POLE: variants seen among roughly 807,000 people sequenced by gnomAD.
POLE encodes DNA polymerase epsilon, catalytic subunit, also known as DNA polymerase epsilon catalytic subunit A.
In POLE, 188 loss-of-function variants were observed where a neutral mutation model predicts 279.2. The observed-to-expected ratio is 0.67, with a 90% confidence interval of 0.60 to 0.76. The LOEUF (loss-of-function observed/expected upper bound fraction) is 0.76. POLE is among the 30% of genes least tolerant of loss of function. The pLI, the probability that POLE is intolerant of heterozygous loss-of-function variation, is 0.00. For missense variants in POLE, 2,703 were observed against 3,016.7 expected, an observed-to-expected ratio of 0.90 and a Z score of 2.44; for synonymous variants, 1,214 against 1,172.5, an observed-to-expected ratio of 1.04 and a Z score of -0.72.
chr12:132,642,074 T>C (rs1483741654), intron 38 of POLE, 103 bp downstream of exon 38: 2 of 1,140,968 alleles, frequency 1.8e-6, no homozygotes, highest in East Asian at 2.4e-5. Context: ...ACCTGCGCGG[T>C]CGAACTCTGA....
chr12:132,625,321 C>A, intron 47 of POLE: 1 of 725,478 alleles, frequency 1.4e-6, no homozygotes, highest in Non-Finnish European at 2.5e-6. Flanking sequence ...CCAGCCTCTG[C>A]TCAGATGCCC....
chr12:132,640,624 G>T (rs568388832), intron 39 of POLE, among the ~76,000 whole-genome samples: 1 of 152,358 alleles, frequency 6.6e-6, no homozygotes, highest in East Asian at 1.9e-4. Context: ...TCAGCTAAAG[G>T]ATTCCAAAAC....
chr12:132,686,804 C>T (rs2043280901), intron 1 of POLE, among the ~76,000 whole-genome samples: 1 of 152,156 alleles, frequency 6.6e-6, no homozygotes, highest in Non-Finnish European at 1.5e-5. Flanking sequence ...GGATCCTGGG[C>T]TCCAGCGATC....
Position 132,634,560 on chromosome 12 carries a change from G to A in POLE, c.5812-182C>T, listed in dbSNP as rs893239017. ...CCCCCAGGGTGGCTCCCAGTACAAAGTGCTTTGTGGGAAGCGCCTGGCACA... is the reference window on the plus strand; with the variant it reads ...CCCCCAGGGTGGCTCCCAGTACAAAATGCTTTGTGGGAAGCGCCTGGCACA... On this transcript the variant is annotated intron_variant, in intron 42 of 48. Transcript: ENST00000320574. This position sits in a 1 kb window ranked among gnomAD's most constrained non-coding sequence, Gnocchi z 4.0. Among the ~76,000 whole-genome samples the A allele has an allele frequency of 7.2e-5, 11 of 152,320 alleles. No homozygotes were observed. The highest frequency in any genetic ancestry group is 5.9e-5 in the Non-Finnish European group (4 of 68,016).
intron 20 of POLE, among the ~76,000 whole-genome samples, chr12:132,665,992 A>T (rs1165369834): frequency 6.6e-6 from 1 of 152,222 alleles, no homozygotes; most frequent in Non-Finnish European, 1.5e-5. Flanking sequence ...GCAGTTGCTT[A>T]ATTAAAATAA....
intron 20 of POLE, 74 bp from the exon 21 acceptor site, chr12:132,665,524 T>A: frequency 6.7e-7 from 1 of 1,486,186 alleles, no homozygotes; most frequent in East Asian, 2.3e-5. Flanking sequence ...TAGCCCAGGT[T>A]TTTAGTATTT....
chr12:132,683,697 T>C (rs1056745394), intron 1 of POLE, among the ~76,000 whole-genome samples: 4 of 152,236 alleles, frequency 2.6e-5, no homozygotes, highest in Admixed American at 6.5e-5. Context: ...TTACGAGGCA[T>C]CACCTCTTAA....
At chr12:132,628,294 C>T (rs578241945) in intron 45 of POLE, among the ~76,000 whole-genome samples, 26 of 151,894 alleles carry the variant, frequency 1.7e-4, no homozygotes, top group East Asian at 1.2e-3. Flanking sequence ...GAGCCAAGAT[C>T]GCGCCACTGC....
At chr12:132,676,724 A>C (rs5744757) in intron 8 of POLE, 71 bp from the exon 9 acceptor site, 6 of 916,990 alleles carry the variant, frequency 6.5e-6, no homozygotes, top group African/African-American at 6.5e-5. Context: ...ACCCACCCCC[A>C]GCCTGCTCTA....
chr12:132,631,261 G>A (rs541101111), intron 45 of POLE, among the ~76,000 whole-genome samples: 49 of 152,306 alleles, frequency 3.2e-4, no homozygotes, highest in African/African-American at 1.2e-3. Context: ...AGGGACGGAA[G>A]ACACACCAGT....
intron 25 of POLE, chr12:132,659,744 G>T (rs1287479776): frequency 4.0e-6 from 2 of 495,554 alleles, no homozygotes; most frequent in Non-Finnish European, 7.3e-6. Flanking sequence ...CCAGGCTGGA[G>T]TGCAGTGGTG....
Position 132,649,027 on chromosome 12 carries a change from C to G in POLE, c.4051G>C (p.Val1351Leu), listed in dbSNP as rs138443282. 1.2e-6 allele frequency: 2 copies of G among 1,613,754 alleles called. No individual in the cohort carries two copies. The highest frequency in any genetic ancestry group is 1.7e-6 in the Non-Finnish European group (2 of 1,179,972). The change falls in exon 32 of 49, where the codon GTT becomes CTT. Residue 1351 changes from valine to leucine, a missense_variant. Physicochemically the swap from Val to Leu is conservative, Grantham distance 32. Coordinates refer to ENST00000320574, the MANE Select transcript of POLE (RefSeq NM_006231.4). ...QAGLFRLWAL[V>L]GSDLHCIRLS... ...CTGATGCAGTGCAAGTCACTGCCAA[C>G]GAGCGCCCACAGCCTGAACAGGCCG...
In POLE at chr12:132,624,775, A is replaced by AT; in HGVS notation, c.6782_6783insA (p.Ala2262CysfsTer42). 6.2e-7 allele frequency: 1 copy of AT among 1,613,594 alleles called. No individual in the cohort carries two copies. Among genetic ancestry groups the AT allele is most frequent in the African/African-American group, 1.3e-5 (1 of 75,038 alleles). On this transcript the variant is annotated frameshift_variant, in exon 49 of 49. Transcript: ENST00000320574. LOFTEE classifies it high-confidence loss of function. ...GGTACGACATGCCGTAGTGCTGGGC[A>AT]ATGTTCCGGAATATTCCGATCTGTT...
chr12:132,655,287 C>CT (rs985941513), intron 29 of POLE, among the ~76,000 whole-genome samples: 2 of 151,882 alleles, frequency 1.3e-5, no homozygotes, highest in African/African-American at 4.8e-5. Context: ...AGTTCTATGA[C>CT]TTTTTTGATC....
At chr12:132,687,160 G>A (rs1234462604) in intron 1 of POLE, 94 bp downstream of exon 1, 2 of 740,302 alleles carry the variant, frequency 2.7e-6, no homozygotes, top group African/African-American at 1.8e-5. Context: ...TGCGGGAACC[G>A]GGCCTCCCTC....
intron 41 of POLE, among the ~76,000 whole-genome samples, chr12:132,636,441 G>GAAAAAAAAAA (rs60289510): frequency 2.2e-5 from 1 of 44,446 alleles, no homozygotes; most frequent in Admixed American, 2.7e-4. Flanking sequence ...TCCATTTAAG[G>GAAAAAAAAAA]AAAAAAAAAA....
chr12:132,680,358 A>G (rs1175202385), intron 3 of POLE, 136 bp from the exon 4 acceptor site: 2 of 795,860 alleles, frequency 2.5e-6, no homozygotes. Flanking sequence ...GCATACAGGA[A>G]GTCAGAATGC....
chr12:132,624,856 G>C, intron 48 of POLE, 46 bp from the exon 49 acceptor site: 1 of 1,157,094 alleles, frequency 8.6e-7, no homozygotes, highest in Non-Finnish European at 1.2e-6. Context: ...CACTCAGAGA[G>C]GAGGCCAAGG....
intron 4 of POLE, 44 bp downstream of exon 4, chr12:132,680,134 A>T: frequency 1.2e-6 from 2 of 1,603,860 alleles, no homozygotes; most frequent in Non-Finnish European, 1.7e-6. Flanking sequence ...CCACCACAGA[A>T]TGACACACAG....
Sources: allele counts gnomAD v4.1 joint callset (sites outside exome capture counted in the v4.1 genomes callset), GRCh38; gene constraint gnomAD v4.1.1; non-coding constraint Gnocchi (gnomAD v3.1); transcripts MANE v1.5; gene names NCBI Gene and HGNC (gene_info 2026-07-23, HGNC 2026-07-21).